Variants in TRIM4 observed in about 807,000 individuals in gnomAD.
TRIM4 encodes the protein tripartite motif containing 4.
Under a neutral mutation model 33.7 loss-of-function variants are expected in TRIM4, and 29 were observed. That is an observed-to-expected ratio of 0.86 (90% CI 0.64 to 1.17). The LOEUF is 1.17. Ranked by LOEUF, TRIM4 falls within the 50% of genes most tolerant of loss-of-function variation. The probability of loss-of-function intolerance (pLI) is 0.00; values close to 1 mark genes in which losing one functional copy is unlikely to be tolerated. For missense variants in TRIM4, 554 were observed against 593.7 expected (o/e 0.93, Z 0.69); for synonymous variants, 224 against 233.0 (o/e 0.96, Z 0.35).
chr7:99,901,894 C>T, intron 5 of TRIM4: 1 of 557,782 alleles, frequency 1.8e-6, no homozygotes, highest in South Asian at 2.6e-5. Flanking sequence ...CTCTCCGCTC[C>T]AGGATACTGC....
intron 5 of TRIM4, among the ~76,000 whole-genome samples, chr7:99,893,326 T>C (rs1046523977): frequency 6.7e-6 from 1 of 149,656 alleles, no homozygotes; most frequent in African/African-American, 2.5e-5. Context: ...GCCCCAAGTT[T>C]TCACAAACAG....
intron 5 of TRIM4, among the ~76,000 whole-genome samples, chr7:99,895,123 C>T (rs1303263518): frequency 6.6e-6 from 1 of 152,130 alleles, no homozygotes; most frequent in Non-Finnish European, 1.5e-5. Context: ...TTACTTGCTC[C>T]TCTTTCTCTA....
At chr7:99,908,867 A>G in intron 2 of TRIM4, 55 bp from the exon 3 acceptor site, 1 of 1,517,408 alleles carries the variant, frequency 6.6e-7, no homozygotes, top group Admixed American at 1.8e-5. Context: ...CAGCTACTAA[A>G]TTCCTTACAC....
chr7:99,899,801 GTTTTC>G (rs1379877671), intron 5 of TRIM4, among the ~76,000 whole-genome samples: 6 of 152,072 alleles, frequency 3.9e-5, no homozygotes, highest in Admixed American at 6.5e-5. Flanking sequence ...AGTTTTCTGG[GTTTTC>G]TTTTGAGATG....
intron 5 of TRIM4, chr7:99,901,614 A>G (rs563547844): frequency 6.6e-6 from 1 of 152,592 alleles, no homozygotes; most frequent in Admixed American, 6.5e-5. Flanking sequence ...AGCAGCACCC[A>G]GTCAAGGGCT....
chr7:99,905,789 G>A (rs143181233), intron 3 of TRIM4, among the ~76,000 whole-genome samples: 20 of 152,296 alleles, frequency 1.3e-4, no homozygotes, highest in African/African-American at 1.9e-4. Flanking sequence ...TCTCACAAAC[G>A]TAATGTGAGC....
intron 5 of TRIM4, among the ~76,000 whole-genome samples, chr7:99,894,450 G>T (rs1039411713): frequency 7.9e-5 from 12 of 152,138 alleles, no homozygotes; most frequent in African/African-American, 2.9e-4. Context: ...GGATTACGAG[G>T]TCAGGAGTTC....
intron 3 of TRIM4, 68 bp downstream of exon 3, chr7:99,908,514 T>C: frequency 7.9e-7 from 1 of 1,270,260 alleles, no homozygotes; most frequent in Admixed American, 2.1e-5. Flanking sequence ...GGAAGGACAT[T>C]CAGCTCTAAA....
Position 99,919,492 on chromosome 7 carries a change from C to G in TRIM4, c.-91G>C. The G allele has an allele frequency of 7.4e-7, 1 of 1,350,514 alleles. No homozygotes were observed. The highest frequency in any genetic ancestry group is 9.7e-7 in the Non-Finnish European group (1 of 1,030,744). The allele number at this position is 1,350,514 out of a possible 1,614,324, so 83.7% of individuals were successfully genotyped here. ...GGCCGCGGGGAGGCCAGACGACTTC[C>G]GAACCGCCGTCACCGCCTCACGTAA... On this transcript the variant is annotated 5_prime_UTR_variant, in exon 1 of 6. Coordinates refer to ENST00000349062, the MANE Select transcript of TRIM4 (RefSeq NM_033091.3).
intron 5 of TRIM4, among the ~76,000 whole-genome samples, chr7:99,898,259 GGTGA>G (rs1273249363): frequency 2.0e-5 from 3 of 152,204 alleles, no homozygotes; most frequent in Admixed American, 6.5e-5. Context: ...GATGGACAAG[GGTGA>G]GTAACAAGAG....
intron 1 of TRIM4, 67 bp from the exon 2 acceptor site, chr7:99,909,727 T>A (rs1819395084): frequency 2.6e-6 from 3 of 1,144,262 alleles, no homozygotes; most frequent in Admixed American, 5.8e-5. Context: ...TTTTTTCTTT[T>A]TGTTTTTTTT....
At chr7:99,903,089 A>G in intron 5 of TRIM4, 129 bp downstream of exon 5, 1 of 690,822 alleles carries the variant, frequency 1.4e-6, no homozygotes, top group Non-Finnish European at 2.5e-6. Context: ...GTGTATACCC[A>G]TTTATTAACC....
rs1185382297 is a variant in TRIM4 at position 99,919,173 on chromosome 7, G to C, written c.229C>G (p.Arg77Gly). Reference protein sequence around the residue: ...LARLTEKTQRRRLGPVPPGLC... With the variant: ...LARLTEKTQRGRLGPVPPGLC... ...CCCGGGGGCACGGGGCCCAGGCGCCGGCGCTGCGTCTTCTCAGTCAGCCTG... is the reference window on the plus strand; with the variant it reads ...CCCGGGGGCACGGGGCCCAGGCGCCCGCGCTGCGTCTTCTCAGTCAGCCTG... Residue 77 changes from arginine to glycine, a missense_variant, in exon 1 of 6, where the codon CGG becomes GGG. Around this residue, in one of 3 missense-constraint regions of TRIM4, gnomAD observed 233 missense variants for 203.1 expected, o/e 1.15. Coordinates refer to ENST00000349062, the MANE Select transcript of TRIM4 (RefSeq NM_033091.3). 6.8e-7 allele frequency: 1 copy of C among 1,471,868 alleles called. No homozygotes were observed. Among genetic ancestry groups the C allele is most frequent in the Non-Finnish European group, 9.0e-7 (1 of 1,113,762 alleles). The allele number at this position is 1,471,868 out of a possible 1,614,324, so 91.2% of individuals were successfully genotyped here.
At chr7:99,905,044 A>T (rs552005268) in intron 3 of TRIM4, among the ~76,000 whole-genome samples, 106 of 113,822 alleles carry the variant, frequency 9.3e-4, no homozygotes, top group African/African-American at 2.5e-3. Flanking sequence ...AATAAAAAAT[A>T]AAAATTAAAA....
chr7:99,903,529 T>C (rs758909062), intron 4 of TRIM4, 47 bp downstream of exon 4: 43 of 1,612,776 alleles, frequency 2.7e-5, no homozygotes, highest in Middle Eastern at 1.6e-4. Context: ...TCAGCCTGTA[T>C]CTTTACCATG....
chr7:99,901,550 G>A (rs1584264474), intron 5 of TRIM4: 3 of 152,180 alleles, frequency 2.0e-5, no homozygotes, highest in Non-Finnish European at 2.9e-5. Context: ...AAGTTAGTTG[G>A]AAAGAGTTTG....
intron 3 of TRIM4, among the ~76,000 whole-genome samples, chr7:99,906,294 T>C (rs1047593936): frequency 2.0e-5 from 3 of 152,152 alleles, no homozygotes; most frequent in Non-Finnish European, 4.4e-5. Flanking sequence ...AGTAGTTACA[T>C]GAATGGTCAC....
In TRIM4 at chr7:99,891,845, T is replaced by A; in HGVS notation, c.*318A>T. The A allele has an allele frequency of 4.1e-6, 1 of 242,340 alleles. No individual in the cohort carries two copies. 15.0% of individuals were successfully genotyped at this position (242,340 alleles called of 1,614,324 possible). A position where few individuals can be genotyped will look rare whatever the true frequency, so the allele number is the denominator to read the frequency against. On this transcript the variant is annotated 3_prime_UTR_variant, in exon 6 of 6. Coordinates refer to ENST00000349062, the MANE Select transcript of TRIM4 (RefSeq NM_033091.3). ...ACAAAAACTCTGTTTCTTCTACCTT[T>A]CCACCATTCCTGTGTTCTCAGTTCC...
chr7:99,919,259 G>C lies in TRIM4; in HGVS notation c.143C>G (p.Pro48Arg). ...RNWAPGGGPF[P>R]CPECRHPSAP... Reference sequence around the variant, plus strand: ...CGATGGGTGCCGACATTCGGGGCAGGGGAACGGGCCGCCGCCCGGCGCCCA... The same window carrying C: ...CGATGGGTGCCGACATTCGGGGCAGCGGAACGGGCCGCCGCCCGGCGCCCA... The change falls in exon 1 of 6, where the codon CCC (proline) becomes CGC (arginine). Residue 48 changes from proline (P) to arginine (R), a missense_variant. By Grantham distance (103) the Pro-to-Arg change is moderately radical (BLOSUM62 -2). Coordinates refer to ENST00000349062, the MANE Select transcript of TRIM4 (RefSeq NM_033091.3). 2.6e-6 allele frequency: 4 copies of C among 1,544,478 alleles called. No individual in the cohort carries two copies. Among genetic ancestry groups the C allele is most frequent in the Non-Finnish European group, 3.5e-6 (4 of 1,144,870 alleles).
Sources: allele counts gnomAD v4.1 joint callset (sites outside exome capture counted in the v4.1 genomes callset), GRCh38; gene constraint gnomAD v4.1.1; regional missense constraint gnomAD v4.1.1; transcripts MANE v1.5; gene names NCBI Gene and HGNC (gene_info 2026-07-23, HGNC 2026-07-21).